CMSS1: variants seen among roughly 807,000 people sequenced by gnomAD.
CMSS1 encodes protein CMSS1.
Under a neutral mutation model 43.5 loss-of-function variants are expected in CMSS1, and 33 were observed. The ratio of observed to expected loss-of-function variants is 0.76; its 90% confidence interval spans 0.57 to 1.01. The LOEUF is 1.01. CMSS1 is among the 50% of genes least tolerant of loss of function. The pLI is 0.00. For missense variants in CMSS1, 313 were observed against 326.4 expected (o/e 0.96, Z 0.32); for synonymous variants, 115 against 117.2 (o/e 0.98, Z 0.12).
chr3:99,855,040 G>C (rs1249738428), intron 1 of CMSS1, among the ~76,000 whole-genome samples: 6 of 152,200 alleles, frequency 3.9e-5, no homozygotes, highest in Non-Finnish European at 2.9e-5. Context: ...TAGACTGACT[G>C]TGGGTAACAA....
intron 1 of CMSS1, among the ~76,000 whole-genome samples, chr3:100,014,863 CTTTTTCTTTTCTTTTTTTTTTTTCTT>C (rs1710276930): frequency 5.5e-5 from 1 of 18,080 alleles, no homozygotes; most frequent in South Asian, 1.3e-3. Flanking sequence ...CACCATTTGT[CTTTTTCTTTTCTTTTTTTTTTTTCTT>C]TCTTTCTTTT....
intron 1 of CMSS1, among the ~76,000 whole-genome samples, chr3:99,881,672 A>G (rs954486719): frequency 6.6e-6 from 1 of 152,024 alleles, no homozygotes; most frequent in Non-Finnish European, 1.5e-5. Flanking sequence ...AGCTGGGATT[A>G]TACATGTGTG....
At chr3:99,960,006 T>TTTCCTC (rs764712433) in intron 1 of CMSS1, among the ~76,000 whole-genome samples, 7 of 152,178 alleles carry the variant, frequency 4.6e-5, no homozygotes, top group Non-Finnish European at 7.4e-5. Flanking sequence ...TCCTTTCACC[T>TTTCCTC]TTCCTCCTTT....
chr3:100,150,243 T>C (rs1247134917), intron 2 of CMSS1, among the ~76,000 whole-genome samples: 1 of 152,230 alleles, frequency 6.6e-6, no homozygotes, highest in Non-Finnish European at 1.5e-5. Context: ...CAGGGTTTCT[T>C]TTGTGTCCAC....
intron 1 of CMSS1, among the ~76,000 whole-genome samples, chr3:100,084,311 G>C (rs1414526786): frequency 2.6e-5 from 4 of 151,920 alleles, no homozygotes; most frequent in Non-Finnish European, 5.9e-5. Flanking sequence ...TGAGTAGAGG[G>C]GTTTTTCATG....
intron 1 of CMSS1, among the ~76,000 whole-genome samples, chr3:100,031,096 T>C (rs2065014879): frequency 6.6e-6 from 1 of 152,148 alleles, no homozygotes; most frequent in South Asian, 2.1e-4. Context: ...TCAGATTCTA[T>C]TTTTTTCTGC....
At position 99,892,754 on chromosome 3, in the gene CMSS1, G is replaced by C. The variant is rs1335222313; in HGVS notation, c.64+74711G>C. Among the ~76,000 whole-genome samples the C allele has an allele frequency of 4.6e-5, 7 of 152,134 alleles. No homozygotes were observed. The East Asian group carries it at 1.3e-3, about 29-fold the overall frequency. On this transcript the variant is annotated intron_variant, in intron 1 of 9. Coordinates refer to ENST00000421999, the MANE Select transcript of CMSS1 (RefSeq NM_032359.4). ...CCCACCCTCAAAGGCTTGCCCTTAT[G>C]CCTTATTGTCTGGAACTGCCAAAGG...
At chr3:100,172,544 T>C in intron 8 of CMSS1, 141 bp downstream of exon 8, 1 of 642,216 alleles carries the variant, frequency 1.6e-6, no homozygotes, top group East Asian at 2.8e-5. Context: ...GCCTTTAATC[T>C]CTGAAACCAA....
At chr3:99,902,236 T>C (rs1412448586) in intron 1 of CMSS1, among the ~76,000 whole-genome samples, 2 of 152,156 alleles carry the variant, frequency 1.3e-5, no homozygotes, top group African/African-American at 4.8e-5. Context: ...GAGTAGGAAT[T>C]TGGGGGCATG....
At chr3:100,040,241 T>C (rs1464074862) in intron 1 of CMSS1, 1 of 151,972 alleles carries the variant, frequency 6.6e-6, no homozygotes, top group Non-Finnish European at 1.5e-5. Flanking sequence ...AAACAAAGAG[T>C]TCTCTCTTGT....
chr3:100,170,734 A>G (rs2067103184), intron 6 of CMSS1, among the ~76,000 whole-genome samples: 1 of 152,234 alleles, frequency 6.6e-6, no homozygotes, highest in Non-Finnish European at 1.5e-5. Context: ...AAAGGCAGGC[A>G]CGGCAGGTGC....
At chr3:99,848,274 T>C (rs1326348068) in intron 1 of CMSS1, 2 of 1,611,538 alleles carry the variant, frequency 1.2e-6, no homozygotes, top group Non-Finnish European at 1.7e-6. Context: ...GTGAGCGTGG[T>C]CAGTTATATA....
At chr3:99,876,181 G>A (rs1705508900) in intron 1 of CMSS1, 6 of 985,368 alleles carry the variant, frequency 6.1e-6, no homozygotes, top group Non-Finnish European at 7.2e-6. Context: ...TGCGAGCGGG[G>A]CGCTGAGCGC....
At chr3:99,956,373 G>T (rs1228560033) in intron 1 of CMSS1, among the ~76,000 whole-genome samples, 2 of 152,140 alleles carry the variant, frequency 1.3e-5, no homozygotes, top group African/African-American at 4.8e-5. Context: ...GTTTTTGTGA[G>T]ATGGACTTTT....
intron 1 of CMSS1, among the ~76,000 whole-genome samples, chr3:100,080,470 A>G (rs78724934): frequency 6.6e-6 from 1 of 152,158 alleles, no homozygotes; most frequent in Non-Finnish European, 1.5e-5. Flanking sequence ...GACAATTTCA[A>G]TTTTATAGTA....
At chr3:100,129,951 T>C (rs2066693173) in intron 1 of CMSS1, among the ~76,000 whole-genome samples, 1 of 152,226 alleles carries the variant, frequency 6.6e-6, no homozygotes, top group Admixed American at 6.5e-5. Context: ...TGTTTCCTTT[T>C]TCATTAATCA....
chr3:100,149,710 A>C (rs551798218), intron 2 of CMSS1, among the ~76,000 whole-genome samples: 18 of 152,134 alleles, frequency 1.2e-4, no homozygotes, highest in South Asian at 2.1e-4. Flanking sequence ...CAGGAGACTC[A>C]CCTCGAGGAC....
intron 1 of CMSS1, among the ~76,000 whole-genome samples, chr3:99,895,365 C>G (rs1706215281): frequency 6.6e-6 from 1 of 150,658 alleles, no homozygotes; most frequent in African/African-American, 2.4e-5. Context: ...AGTGAGCTTT[C>G]AGTCAGCAGG....
chr3:99,970,743 T>TA lies in CMSS1; in HGVS notation c.64+152701dup, dbSNP rs749330338. ...AGGTAGAGTACTTAAGAGAGCGTGC[T>TA]ACGATAGACCTCAAAGGACTTTTTA... On this transcript the variant is annotated intron_variant, in intron 1 of 9. Transcript: ENST00000421999. Among the ~76,000 whole-genome samples, 6 of 152,200 alleles carry TA rather than the reference T, an allele frequency of 3.9e-5. No homozygotes were observed. In the Middle Eastern group the frequency reaches 0.01, roughly 259 times the overall value.
Sources: gnomAD v4.1 joint callset for allele counts (sites outside exome capture counted in the v4.1 genomes callset) on GRCh38, gnomAD v4.1.1 for gene constraint, MANE v1.5 for transcripts, NCBI Gene and HGNC (gene_info 2026-07-23, HGNC 2026-07-21) for gene names.